OR4C11: variants seen among roughly 807,000 people sequenced by gnomAD.
OR4C11 encodes olfactory receptor 4C11.
OR4C11 carries 15 observed loss-of-function variants against 14.7 expected under a neutral mutation model. That is an observed-to-expected ratio of 1.02 (90% CI 0.68 to 1.58). The LOEUF (loss-of-function observed/expected upper bound fraction) is 1.58. OR4C11 is among the 40% of genes most tolerant of loss of function. OR4C11 has a pLI of 0.00. For synonymous variants in OR4C11, 146 were observed against 135.0 expected (o/e 1.08, Z -0.57); for missense variants, 473 against 383.0 (o/e 1.24, Z -1.96).
In OR4C11 at chr11:55,603,869, G is replaced by A. The variant is rs1396027740; in HGVS notation, c.505C>T (p.Pro169Ser). The A allele has an allele frequency of 2.0e-6, 3 of 1,491,602 alleles. 1 individual carries two copies. Among genetic ancestry groups the A allele is most frequent in the Non-Finnish European group, 2.7e-6 (3 of 1,096,828 alleles). 92.4% of individuals were successfully genotyped at this position (1,491,602 alleles called of 1,614,324 possible). ...ILALRLPFCGPYLIDHYCCDL... is the reference protein window; with the variant it reads ...ILALRLPFCGSYLIDHYCCDL... ...CAGCAATAATGATCAATCAAATAGG[G>A]TCCACAGAAAGGCAATCTTAAGGCC... is the stretch of plus-strand genomic sequence containing the variant. Residue 169 changes from proline to serine, a missense_variant, in exon 4 of 4, where the codon CCC (proline) becomes TCC (serine). Transcript: ENST00000641580.
In OR4C11 at chr11:55,603,604, G is replaced by A. The variant is rs1179489236; in HGVS notation, c.770C>T (p.Thr257Ile). 1.3e-6 allele frequency: 2 copies of A among 1,485,654 alleles called. No individual in the cohort carries two copies. Among genetic ancestry groups the A allele is most frequent in the South Asian group, 2.4e-5 (2 of 84,724 alleles). The allele number at this position is 1,485,654 out of a possible 1,614,324, so 92.0% of individuals were successfully genotyped here. A position where few individuals can be genotyped will look rare whatever the true frequency, so the allele number is the denominator to read the frequency against. Residue 257 changes from threonine (T) to isoleucine (I), a missense_variant, in exon 4 of 4, where the codon ACA (threonine) becomes ATA (isoleucine). Physicochemically the swap from Thr to Ile is moderately conservative, Grantham distance 89 (BLOSUM62 -1). Coordinates refer to ENST00000641580, the MANE Select transcript of OR4C11 (RefSeq NM_001004700.3). ...CATGGGGAAAGTGGTCGGGGGGCGT[G>A]TATATATGAATATACATGGGCCAAA... Reference protein sequence around the residue: ...LFFGPCIFIYTRPPTTFPMDK... With the variant: ...LFFGPCIFIYIRPPTTFPMDK...
chr11:55,604,418 C>A lies in OR4C11; in HGVS notation c.-44-1G>T, dbSNP rs1857934767. 3.7e-6 allele frequency: 3 copies of A among 802,928 alleles called. No homozygotes were observed. The highest frequency in any genetic ancestry group is 3.1e-5 in the East Asian group (1 of 32,318). 49.7% of individuals were successfully genotyped at this position (802,928 alleles called of 1,614,324 possible). Reference sequence around the variant, plus strand: ...AAACCACAGATTAGAACTAGTTAATCTGCAAAAGAAAAAAAGAAATAGATT... The same window carrying A: ...AAACCACAGATTAGAACTAGTTAATATGCAAAAGAAAAAAAGAAATAGATT... On this transcript the variant is annotated splice_acceptor_variant, in intron 3 of 3. Transcript: ENST00000641580. LOFTEE classifies it low-confidence loss of function (5UTR_SPLICE).
In OR4C11 at chr11:55,604,746, G is replaced by C. The variant is rs758064219; in HGVS notation, c.-44-329C>G. On this transcript the variant is annotated intron_variant, in intron 3 of 3. Transcript: ENST00000641580. ...TTAATTTAGGGGTTTGGTATGAGTA[G>C]GTGTCTTCTGAGCTGAATGTGTTCC... Among the ~76,000 whole-genome samples, 4 of 137,766 alleles carry C rather than the reference G, an allele frequency of 2.9e-5. 2 individuals are homozygous for C. The highest frequency in any genetic ancestry group is 1.6e-4 in the Admixed American group (2 of 12,664). The allele number at this position is 137,766 out of a possible 152,430, so 90.4% of individuals were successfully genotyped here.
At position 55,603,264 on chromosome 11, in the gene OR4C11, CA is replaced by C. The variant is rs1324490435; in HGVS notation, c.*176del. The C allele has an allele frequency of 4.4e-6, 2 of 459,678 alleles. No individual in the cohort carries two copies. Among genetic ancestry groups the C allele is most frequent in the African/African-American group, 4.0e-5 (2 of 50,486 alleles). 28.5% of individuals were successfully genotyped at this position (459,678 alleles called of 1,614,324 possible). A position where few individuals can be genotyped will look rare whatever the true frequency, so the allele number is the denominator to read the frequency against. Reference sequence around the variant, plus strand: ...ATCTATATTCTACCTAGTTCTGGCACAAAAGACAATGTCTTGGTAGTCACAA... The same window carrying C: ...ATCTATATTCTACCTAGTTCTGGCACAAAGACAATGTCTTGGTAGTCACAA... On this transcript the variant is annotated 3_prime_UTR_variant, in exon 4 of 4. Coordinates refer to ENST00000641580, the MANE Select transcript of OR4C11 (RefSeq NM_001004700.3).
rs1179489236 is a variant in OR4C11 at position 55,603,604 on chromosome 11, G to T, written c.770C>A (p.Thr257Lys). Residue 257 changes from threonine (T) to lysine (K), a missense_variant, in exon 4 of 4, where the codon ACA becomes AAA. Transcript: ENST00000641580. The stretch of plus-strand genomic sequence containing the variant: ...CATGGGGAAAGTGGTCGGGGGGCGT[G>T]TATATATGAATATACATGGGCCAAA... ...LFFGPCIFIY[T>K]RPPTTFPMDK... is the part of the protein sequence containing the mutation. The T allele has an allele frequency of 1.3e-6, 2 of 1,485,654 alleles. 1 individual carries two copies. Among genetic ancestry groups the T allele is most frequent in the South Asian group, 2.4e-5 (2 of 84,724 alleles). 92.0% of individuals were successfully genotyped at this position (1,485,654 alleles called of 1,614,324 possible).
At chr11:55,605,612 T>A (rs1374744216) in intron 2 of OR4C11, among the ~76,000 whole-genome samples, 1 of 138,718 alleles carries the variant, frequency 7.2e-6, no homozygotes, top group Non-Finnish European at 1.6e-5. Flanking sequence ...GTCAATATGA[T>A]AAAATACATT....
At position 55,602,922 on chromosome 11, in the gene OR4C11, G is replaced by A. The variant is rs1231458675; in HGVS notation, c.*519C>T. 2.9e-5 allele frequency: 4 copies of A among 139,214 alleles called. 1 individual carries two copies. The highest frequency in any genetic ancestry group is 1.0e-4 in the African/African-American group (4 of 40,022). The allele number at this position is 139,214 out of a possible 1,614,324, so 8.6% of individuals were successfully genotyped here. A position where few individuals can be genotyped will look rare whatever the true frequency, so the allele number is the denominator to read the frequency against. ...TAGGGAAGGAATTTGACATTTCTTTGTTGGTGCTCACAAATTTGAACACTT... is the reference window on the plus strand; with the variant it reads ...TAGGGAAGGAATTTGACATTTCTTTATTGGTGCTCACAAATTTGAACACTT... On this transcript the variant is annotated 3_prime_UTR_variant, in exon 4 of 4. Transcript: ENST00000641580.
Position 55,605,144 on chromosome 11 carries a change from T to G in OR4C11, c.-63A>C, listed in dbSNP as rs1218415209. On this transcript the variant is annotated 5_prime_UTR_variant, in exon 3 of 4. Coordinates refer to ENST00000641580, the MANE Select transcript of OR4C11 (RefSeq NM_001004700.3). ...AATTTACCTCTGAAAATTTTCTAAT[T>G]ATTTTCAGTTCCAAATTCATCCTTT... 4 of 139,040 alleles carry G rather than the reference T, an allele frequency of 2.9e-5. 1 individual carries two copies. The highest frequency in any genetic ancestry group is 6.4e-5 in the Non-Finnish European group (4 of 62,330). 8.6% of individuals were successfully genotyped at this position (139,040 alleles called of 1,614,324 possible). A position where few individuals can be genotyped will look rare whatever the true frequency, so the allele number is the denominator to read the frequency against.
In OR4C11 at chr11:55,604,012, T is replaced by C; in HGVS notation, c.362A>G (p.Tyr121Cys). Residue 121 changes from tyrosine (Y) to cysteine (C), a missense_variant, in exon 4 of 4, where the codon TAT becomes TGT. Coordinates refer to ENST00000641580, the MANE Select transcript of OR4C11 (RefSeq NM_001004700.3). ...FVLILMAVDR[Y>C]VAICKPLRYP... ...ACGCAAGGGCTTACAGATGGCCACA[T>C]AGCGATCAACAGCCATGAGAATGAG... The C allele has an allele frequency of 1.3e-6, 2 of 1,488,986 alleles. No individual in the cohort carries two copies. The highest frequency in any genetic ancestry group is 1.4e-5 in the African/African-American group (1 of 72,778). 92.2% of individuals were successfully genotyped at this position (1,488,986 alleles called of 1,614,324 possible).
Position 55,603,707 on chromosome 11 carries a change from G to GTGAA in OR4C11, c.663_666dup (p.Leu223PhefsTer92). ...TTCCCTTTGGCACTGTGGTTTCTCA[G>GTGAA]TGAATGCAAGATGACAATATATGAA... On this transcript the variant is annotated frameshift_variant, in exon 4 of 4. Coordinates refer to ENST00000641580, the MANE Select transcript of OR4C11 (RefSeq NM_001004700.3). LOFTEE classifies it high-confidence loss of function. The GTGAA allele has an allele frequency of 1.3e-6, 2 of 1,489,644 alleles. No individual in the cohort carries two copies. The highest frequency in any genetic ancestry group is 1.9e-4 in the Middle Eastern group (1 of 5,296). The allele number at this position is 1,489,644 out of a possible 1,614,324, so 92.3% of individuals were successfully genotyped here. A position where few individuals can be genotyped will look rare whatever the true frequency, so the allele number is the denominator to read the frequency against.
Position 55,604,139 on chromosome 11 carries a change from A to G in OR4C11, c.235T>C (p.Leu79=), listed in dbSNP as rs1565064617. The G allele has an allele frequency of 3.4e-6, 5 of 1,465,284 alleles. 2 individuals are homozygous for G. Among genetic ancestry groups the G allele is most frequent in the Non-Finnish European group, 4.7e-6 (5 of 1,075,142 alleles). 90.8% of individuals were successfully genotyped at this position (1,465,284 alleles called of 1,614,324 possible). A position where few individuals can be genotyped will look rare whatever the true frequency, so the allele number is the denominator to read the frequency against. The change falls in exon 4 of 4, where the codon TTA becomes CTA. Residue 79 remains leucine (L), a synonymous_variant. Coordinates refer to ENST00000641580, the MANE Select transcript of OR4C11 (RefSeq NM_001004700.3). ...TTTTCAGAGAGAGCATCCACAATTAATCTAGGGGCTGTGGAAGTTGAAAAG... is the reference window on the plus strand; with the variant it reads ...TTTTCAGAGAGAGCATCCACAATTAGTCTAGGGGCTGTGGAAGTTGAAAAG... ...SCFSTSTAPR[L]IVDALSEKKI...
chr11:55,603,754 C>G lies in OR4C11; in HGVS notation c.620G>C (p.Ser207Thr). 1.3e-6 allele frequency: 2 copies of G among 1,491,086 alleles called. 1 individual carries two copies. The highest frequency in any genetic ancestry group is 2.4e-5 in the South Asian group (2 of 84,810). 92.4% of individuals were successfully genotyped at this position (1,491,086 alleles called of 1,614,324 possible). ...TGAAATTATCAAAATCATGAAACTA[C>G]TTGAGCAAATTGCCCCACTGTTAGA... ...LVSNSGAICS[S>T]SFMILIISYI... Residue 207 changes from serine to threonine, a missense_variant, in exon 4 of 4, where the codon AGT becomes ACT. Physicochemically the swap from Ser to Thr is moderately conservative, Grantham distance 58. Transcript: ENST00000641580.
At chr11:55,605,965 T>C (rs1857954840) in intron 2 of OR4C11, among the ~76,000 whole-genome samples, 1 of 138,600 alleles carries the variant, frequency 7.2e-6, no homozygotes, top group African/African-American at 2.5e-5. Context: ...TTCTAGAAAG[T>C]GACTTCAGTA....
At position 55,603,219 on chromosome 11, in the gene OR4C11, G is replaced by T. The variant is rs1458266671; in HGVS notation, c.*222C>A. The T allele has an allele frequency of 3.0e-5, 11 of 367,528 alleles. 1 individual carries two copies. In the Middle Eastern group the frequency reaches 2.5e-3, roughly 84 times the overall value. 22.8% of individuals were successfully genotyped at this position (367,528 alleles called of 1,614,324 possible). The stretch of plus-strand genomic sequence containing the variant: ...ATAATCTGAAAAGAAAAGACTACTG[G>T]TAGGTAATCACCTGAATTAATCTAT... On this transcript the variant is annotated 3_prime_UTR_variant, in exon 4 of 4. Transcript: ENST00000641580.
rs576654124 is a variant in OR4C11 at position 55,606,708 on chromosome 11, G to A, written c.-364-29C>T. On this transcript the variant is annotated intron_variant, in intron 1 of 3. Transcript: ENST00000641580. ...TAAATACAACATATGCAGACACACT[G>A]TCACTAACTGGAGATTCACTTCCTG... 2.2e-5 allele frequency: 3 copies of A among 138,280 alleles called. 1 individual carries two copies. Among genetic ancestry groups the A allele is most frequent in the Admixed American group, 1.6e-4 (2 of 12,654 alleles). 8.6% of individuals were successfully genotyped at this position (138,280 alleles called of 1,614,324 possible). A position where few individuals can be genotyped will look rare whatever the true frequency, so the allele number is the denominator to read the frequency against.
chr11:55,603,493 T>C lies in OR4C11; in HGVS notation c.881A>G (p.Asn294Ser). 1 of 1,467,636 alleles carries C rather than the reference T, an allele frequency of 6.8e-7. No individual in the cohort carries two copies. The allele number at this position is 1,467,636 out of a possible 1,614,324, so 90.9% of individuals were successfully genotyped here. A position where few individuals can be genotyped will look rare whatever the true frequency, so the allele number is the denominator to read the frequency against. Residue 294 changes from asparagine to serine, a missense_variant, in exon 4 of 4, where the codon AAT becomes AGT. Transcript: ENST00000641580. ...GCCATGCCATAACTTTCTCATGGCA[T>C]TTTTCACTTCTGCATTCCTCAGTGT... ...IYTLRNAEVK[N>S]AMRKLWHGKI...
intron 2 of OR4C11, 59 bp downstream of exon 2, chr11:55,606,463 A>G (rs1857964440): frequency 7.2e-6 from 1 of 138,654 alleles, no homozygotes; most frequent in Non-Finnish European, 1.6e-5. Context: ...TCACTTTGGT[A>G]GTATTTGACA....
rs537742529 is a variant in OR4C11 at position 55,602,388 on chromosome 11, C to T, written c.*1053G>A. The T allele has an allele frequency of 1.3e-3, 176 of 137,672 alleles. 16 individuals are homozygous for T. The highest frequency in any genetic ancestry group is 4.1e-3 in the African/African-American group (163 of 39,372). 8.5% of individuals were successfully genotyped at this position (137,672 alleles called of 1,614,324 possible). A position where few individuals can be genotyped will look rare whatever the true frequency, so the allele number is the denominator to read the frequency against. On this transcript the variant is annotated 3_prime_UTR_variant, in exon 4 of 4. Transcript: ENST00000641580. The stretch of plus-strand genomic sequence containing the variant: ...CAACAGTTATTAAAGATGTGGTACA[C>T]TTATTACACTGAAACAGATGAATAT...
rs764706636 is a variant in OR4C11, at chr11:55,604,208, G to C, written c.166C>G (p.Pro56Ala). ...TIKSSRTLGS[P>A]MYFFLFYLSF... ...AAATAAAATAGAAAGAAGTACATGG[G>C]GCTTCCTAGTGTCCGGCTGGACTTG... The change falls in exon 4 of 4, where the codon CCC (proline) becomes GCC (alanine). Residue 56 changes from proline (P) to alanine (A), a missense_variant. By Grantham distance (27) the Pro-to-Ala change is conservative. Transcript: ENST00000641580. 2 of 1,482,566 alleles carry C rather than the reference G, an allele frequency of 1.3e-6. 1 individual carries two copies. The highest frequency in any genetic ancestry group is 4.0e-5 in the Admixed American group (2 of 49,422). The allele number at this position is 1,482,566 out of a possible 1,614,324, so 91.8% of individuals were successfully genotyped here. A position where few individuals can be genotyped will look rare whatever the true frequency, so the allele number is the denominator to read the frequency against.
Sources: gnomAD v4.1 joint callset for allele counts (sites outside exome capture counted in the v4.1 genomes callset) on GRCh38, gnomAD v4.1.1 for gene constraint, MANE v1.5 for transcripts, NCBI Gene and HGNC (gene_info 2026-07-23, HGNC 2026-07-21) for gene names.